The following MROH1 variants were observed in gnomAD, a reference collection of about 807,000 sequenced individuals.
MROH1 encodes the protein maestro heat like repeat family member 1, also known as maestro heat-like repeat-containing protein family member 1.
MROH1 carries 117 observed loss-of-function variants against 116.5 expected under a neutral mutation model. That is an observed-to-expected ratio of 1.00 (90% CI 0.86 to 1.17). The LOEUF (loss-of-function observed/expected upper bound fraction) is 1.17. Among genes scored for constraint, MROH1 ranks in the 50% most tolerant of loss-of-function variants. The pLI, the probability that MROH1 is intolerant of heterozygous loss-of-function variation, is 0.00. For synonymous variants in MROH1, 921 were observed against 583.9 expected, an observed-to-expected ratio of 1.58 and a Z score of -8.32; for missense variants, 1,873 against 1,338.5, an observed-to-expected ratio of 1.40 and a Z score of -6.23.
intron 7 of MROH1, among the ~76,000 whole-genome samples, chr8:144,187,087 G>C (rs1249308389): frequency 1.4e-5 from 2 of 142,878 alleles, no homozygotes; most frequent in Non-Finnish European, 3.0e-5. Context: ...GACAGAGTGA[G>C]ACTGTCTCCA....
chr8:144,174,952 T>C (rs1017299781), intron 4 of MROH1: 1 of 985,336 alleles, frequency 1.0e-6, no homozygotes, highest in African/African-American at 1.7e-5. Flanking sequence ...GTGAGTGGAA[T>C]CTGGAGAACT....
In MROH1 at chr8:144,260,005, G is replaced by A. The variant is rs1379808429; in HGVS notation, c.4139G>A (p.Arg1380Gln). ...ARQKDTCASV[R>Q]RLVLRGLANL... ...CAGAAGGACACATGCGCCAGCGTGC[G>A]GAGGCTGGTGCTCCGCGGCCTGGCC... Residue 1380 changes from arginine (R) to glutamine (Q), a missense_variant, in exon 38 of 44, where the codon CGG becomes CAG. Physicochemically the swap from Arg to Gln is conservative, Grantham distance 43. Coordinates refer to ENST00000326134, the MANE Select transcript of MROH1 (RefSeq NM_032450.3). 17 of 730,752 alleles carry A rather than the reference G, an allele frequency of 2.3e-5. No individual in the cohort carries two copies. Among genetic ancestry groups the A allele is most frequent in the Admixed American group, 5.7e-5 (3 of 52,658 alleles). 45.3% of individuals were successfully genotyped at this position (730,752 alleles called of 1,614,324 possible). A position where few individuals can be genotyped will look rare whatever the true frequency, so the allele number is the denominator to read the frequency against.
rs1410875290 is a variant in MROH1 at position 144,180,275 on chromosome 8, T to C, written c.398T>C (p.Leu133Pro). The C allele has an allele frequency of 2.5e-6, 4 of 1,610,108 alleles. No individual in the cohort carries two copies. In the East Asian group the frequency reaches 8.9e-5, roughly 36 times the overall value. ...GTGATGGAGGAGCTGCTGCGCAGGC[T>C]GCACCCTGGGACCCTGCCACACTGC... ...SKVMEELLRR[L>P]HPGTLPHCAV... The change falls in exon 6 of 44, where the codon CTG becomes CCG. Residue 133 changes from leucine (L) to proline (P), a missense_variant. Physicochemically the swap from Leu to Pro is moderately conservative, Grantham distance 98. Transcript: ENST00000326134. This position sits in a 1 kb window ranked among gnomAD's most constrained non-coding sequence, Gnocchi z 7.4.
In MROH1 at chr8:144,204,817, A is replaced by G. The variant is rs865963934; in HGVS notation, c.1141+4276A>G. ...TGATGGGTAAATGGCTATATCCAGT[A>G]TTTAACTGTTAATGCATAAGCCACT... On this transcript the variant is annotated intron_variant, in intron 12 of 43. Coordinates refer to ENST00000326134, the MANE Select transcript of MROH1 (RefSeq NM_032450.3). Among the ~76,000 whole-genome samples, 6 of 152,348 alleles carry G rather than the reference A, an allele frequency of 3.9e-5. No homozygotes were observed. The Middle Eastern group carries it at 0.01, about 259-fold the overall frequency.
At chr8:144,193,302 G>A (rs1289549851) in intron 10 of MROH1, 1 of 152,278 alleles carries the variant, frequency 6.6e-6, no homozygotes, top group Non-Finnish European at 1.5e-5. Context: ...AGCCAATAAA[G>A]CAACGGAAAT....
Position 144,248,962 on chromosome 8 carries a change from G to A in MROH1, c.3206G>A (p.Cys1069Tyr). The change falls in exon 32 of 44, where the codon TGC becomes TAC. Residue 1069 changes from cysteine (C) to tyrosine (Y), a missense_variant. Physicochemically the swap from Cys to Tyr is radical, Grantham distance 194. Transcript: ENST00000326134. ...FEALGDPEKN[C>Y]SRAATVMINC... Reference sequence around the variant, plus strand: ...GCCCTGGGAGACCCCGAAAAGAACTGCTCCCGAGCAGCTACCGTCATGATC... The same window carrying A: ...GCCCTGGGAGACCCCGAAAAGAACTACTCCCGAGCAGCTACCGTCATGATC... The A allele has an allele frequency of 1.3e-6, 1 of 748,826 alleles. No homozygotes were observed. 46.4% of individuals were successfully genotyped at this position (748,826 alleles called of 1,614,324 possible).
chr8:144,234,498 GTTTT>G (rs1165164431), intron 14 of MROH1, among the ~76,000 whole-genome samples: 2 of 18,102 alleles, frequency 1.1e-4, no homozygotes, highest in African/African-American at 1.7e-4. Flanking sequence ...TTTCTTTTTC[GTTTT>G]TTTTTTTTTT....
chr8:144,238,962 G>A (rs926839557), intron 15 of MROH1, 73 bp from the exon 16 acceptor site: 22 of 770,536 alleles, frequency 2.9e-5, no homozygotes, highest in African/African-American at 5.1e-5. Flanking sequence ...CTCCACCTTG[G>A]AGCTCCGGCA....
rs2133116499 is a variant in MROH1 at position 144,248,926 on chromosome 8, C to T, written c.3170C>T (p.Thr1057Ile). ...GACCAGCTCATCAGCCTCTTGCTAA[C>T]CATGTTTGAGGCCCTGGGAGACCCC... The part of the protein sequence containing the change: ...PPDQLISLLL[T>I]MFEALGDPEK... The change falls in exon 32 of 44, where the codon ACC (threonine) becomes ATC (isoleucine). Residue 1057 changes from threonine (T) to isoleucine (I), a missense_variant. Transcript: ENST00000326134. 1 of 776,350 alleles carries T rather than the reference C, an allele frequency of 1.3e-6. No individual in the cohort carries two copies. Among genetic ancestry groups the T allele is most frequent in the Non-Finnish European group, 2.4e-6 (1 of 416,024 alleles). 48.1% of individuals were successfully genotyped at this position (776,350 alleles called of 1,614,324 possible).
intron 20 of MROH1, 31 bp from the exon 21 acceptor site, chr8:144,240,961 G>A: frequency 1.4e-6 from 1 of 725,724 alleles, no homozygotes; most frequent in South Asian, 1.5e-5. Flanking sequence ...TCAGGAGTCA[G>A]GCAGAGCCGT....
At chr8:144,212,196 G>C (rs773340751) in intron 12 of MROH1, among the ~76,000 whole-genome samples, 1 of 152,018 alleles carries the variant, frequency 6.6e-6, no homozygotes, top group Non-Finnish European at 1.5e-5. Flanking sequence ...GGATCCTCCT[G>C]TCTCAGCCTC....
intron 3 of MROH1, among the ~76,000 whole-genome samples, chr8:144,167,286 G>A (rs1459011501): frequency 6.2e-5 from 8 of 128,320 alleles, no homozygotes; most frequent in African/African-American, 2.5e-4. Context: ...TGGAGTGGCC[G>A]GTTGGGGTGG....
In MROH1 at chr8:144,249,028, A is replaced by T; in HGVS notation, c.3272A>T (p.Lys1091Met). The change falls in exon 32 of 44, where the codon AAG becomes ATG. Residue 1091 changes from lysine to methionine, a missense_variant and splice_region_variant. Physicochemically the swap from Lys to Met is moderately conservative, Grantham distance 95. Transcript: ENST00000326134. ...GAGCGGGGCGGTGTGCTCCAGGAGAAGGTGGGAGAGGGCGGGGCGCGGGGG... is the reference window on the plus strand; with the variant it reads ...GAGCGGGGCGGTGTGCTCCAGGAGATGGTGGGAGAGGGCGGGGCGCGGGGG... ...LQERGGVLQEKVPEIVSVLRS... is the reference protein window; with the variant it reads ...LQERGGVLQEMVPEIVSVLRS... 4.5e-6 allele frequency: 3 copies of T among 664,622 alleles called. No individual in the cohort carries two copies. Among genetic ancestry groups the T allele is most frequent in the Non-Finnish European group, 5.6e-6 (2 of 355,660 alleles). 41.2% of individuals were successfully genotyped at this position (664,622 alleles called of 1,614,324 possible). A position where few individuals can be genotyped will look rare whatever the true frequency, so the allele number is the denominator to read the frequency against.
At chr8:144,151,121 G>A (rs7814055) in intron 1 of MROH1, among the ~76,000 whole-genome samples, 2,887 of 151,852 alleles carry the variant, frequency 0.019, 92 homozygotes, top group African/African-American at 0.066. Context: ...GGCGGTGGGC[G>A]CCTGTAATCC....
intron 4 of MROH1, among the ~76,000 whole-genome samples, chr8:144,174,378 G>C (rs1823277211): frequency 6.6e-6 from 1 of 152,012 alleles, no homozygotes; most frequent in African/African-American, 2.4e-5. Context: ...CACTATCATG[G>C]GGATTACAGG....
chr8:144,178,427 C>T (rs1436888029), intron 4 of MROH1, among the ~76,000 whole-genome samples: 4 of 148,950 alleles, frequency 2.7e-5, no homozygotes, highest in Non-Finnish European at 3.0e-5. Flanking sequence ...CCACCACGCA[C>T]GGCCTGTACT....
At position 144,180,131 on chromosome 8, in the gene MROH1, TGTCTTG is replaced by T. The variant is rs747226334; in HGVS notation, c.301-40_301-35del. On this transcript the variant is annotated intron_variant, in intron 5 of 43. Transcript: ENST00000326134. The surrounding 1 kb of genome is among the most constrained non-coding windows in gnomAD (Gnocchi z 7.4). The stretch of plus-strand genomic sequence containing the variant: ...AGGCTGGCAGCGACTGAGGGCAGAA[TGTCTTG>T]GTCTTGCCTTTTGGTCTACCTGCCG... 3 of 1,607,354 alleles carry T rather than the reference TGTCTTG, an allele frequency of 1.9e-6. No homozygotes were observed. The highest frequency in any genetic ancestry group is 2.6e-6 in the Non-Finnish European group (3 of 1,175,010).
intron 12 of MROH1, among the ~76,000 whole-genome samples, chr8:144,206,313 A>G (rs542873686): frequency 2.0e-5 from 3 of 152,324 alleles, no homozygotes; most frequent in African/African-American, 7.2e-5. Context: ...TTCACTGAGC[A>G]CGGTGCTGCT....
In MROH1 at chr8:144,238,925, G is replaced by A. The variant is rs2132848707; in HGVS notation, c.1446+62G>A. Reference sequence around the variant, plus strand: ...AGAGCTCTCCAGGGCAGTGGCCCAGGGTGCTCAGGCCCAGCAAAGGGTCTG... The same window carrying A: ...AGAGCTCTCCAGGGCAGTGGCCCAGAGTGCTCAGGCCCAGCAAAGGGTCTG... On this transcript the variant is annotated intron_variant, in intron 15 of 43. Transcript: ENST00000326134. 5 of 768,506 alleles carry A rather than the reference G, an allele frequency of 6.5e-6. No individual in the cohort carries two copies. The East Asian group carries it at 1.2e-4, about 19-fold the overall frequency. The allele number at this position is 768,506 out of a possible 1,614,324, so 47.6% of individuals were successfully genotyped here.
Sources: allele counts gnomAD v4.1 joint callset (sites outside exome capture counted in the v4.1 genomes callset), GRCh38; gene constraint gnomAD v4.1.1; non-coding constraint Gnocchi (gnomAD v3.1); transcripts MANE v1.5; gene names NCBI Gene and HGNC (gene_info 2026-07-23, HGNC 2026-07-21).